The following PPFIBP2 variants were observed in gnomAD, a reference collection of about 807,000 sequenced individuals.
The protein encoded by PPFIBP2 is PPFIB scaffold protein 2, also known as liprin-beta-2.
In PPFIBP2, 118 loss-of-function variants were observed where a neutral mutation model predicts 118.3. The ratio of observed to expected loss-of-function variants is 1.00; its 90% CI spans 0.86 to 1.16. The LOEUF is 1.16. PPFIBP2 is among the 50% of genes most tolerant of loss of function. The pLI is 0.00. For missense variants in PPFIBP2, 1,195 were observed against 1,073.1 expected (o/e 1.11, Z -1.59); for synonymous variants, 414 against 397.4 (o/e 1.04, Z -0.50).
chr11:7,614,120 T>C (rs1848370902), intron 6 of PPFIBP2, among the ~76,000 whole-genome samples: 1 of 151,982 alleles, frequency 6.6e-6, no homozygotes, highest in Non-Finnish European at 1.5e-5. Context: ...AATAGGAGAG[T>C]TTTTTTATTC....
At position 7,520,636 on chromosome 11, in the gene PPFIBP2, C is replaced by T. The variant is rs12289564; in HGVS notation, c.-37+6515C>T. 7.6e-4 allele frequency among the ~76,000 whole-genome samples: 116 copies of T among 152,140 alleles called. 1 individual carries two copies. The highest frequency in any genetic ancestry group is 9.3e-4 in the Non-Finnish European group (63 of 68,016). ...ATAAACACAACTGATAACACTTGTT[C>T]CATTCTACAGCCTGTTCATCCCCAT... is the stretch of plus-strand genomic sequence containing the variant. On this transcript the variant is annotated intron_variant, in intron 1 of 23. Coordinates refer to ENST00000299492, the MANE Select transcript of PPFIBP2 (RefSeq NM_003621.5).
chr11:7,547,174 C>T (rs1852419754), intron 1 of PPFIBP2, among the ~76,000 whole-genome samples: 1 of 152,090 alleles, frequency 6.6e-6, no homozygotes, highest in Non-Finnish European at 1.5e-5. Context: ...TGCCGGGGGG[C>T]GGTGTGGGGA....
rs1174780348 is a variant in PPFIBP2 at position 7,649,001 on chromosome 11, G to C, written c.1909+90G>C. On this transcript the variant is annotated intron_variant, in intron 19 of 23. Transcript: ENST00000299492. ...CTGTTAAATGGGTACCTCAAGGACAGCTGTCTCCTTGTAAAAAGCAGAGGA... is the reference window on the plus strand; with the variant it reads ...CTGTTAAATGGGTACCTCAAGGACACCTGTCTCCTTGTAAAAAGCAGAGGA... 5 of 1,360,960 alleles carry C rather than the reference G, an allele frequency of 3.7e-6. No homozygotes were observed. The African/African-American group carries it at 7.2e-5, about 20-fold the overall frequency. 84.3% of individuals were successfully genotyped at this position (1,360,960 alleles called of 1,614,324 possible).
intron 1 of PPFIBP2, among the ~76,000 whole-genome samples, 178 bp downstream of exon 1, chr11:7,514,299 A>G (rs1229318723): frequency 1.3e-5 from 2 of 151,940 alleles, no homozygotes; most frequent in East Asian, 1.9e-4. Context: ...CCCTTCTCCA[A>G]CTCCACTGGC....
chr11:7,551,439 A>G (rs566020085), intron 2 of PPFIBP2, among the ~76,000 whole-genome samples: 1 of 152,106 alleles, frequency 6.6e-6, no homozygotes, highest in East Asian at 1.9e-4. Flanking sequence ...ATTCAGGTCT[A>G]TTTCTGAACT....
At chr11:7,532,116 A>G (rs1355116946) in intron 1 of PPFIBP2, among the ~76,000 whole-genome samples, 2 of 152,108 alleles carry the variant, frequency 1.3e-5, no homozygotes, top group Non-Finnish European at 2.9e-5. Context: ...TGCTGGGATT[A>G]TAGGCATTAG....
At chr11:7,566,913 A>G (rs1855061334) in intron 3 of PPFIBP2, among the ~76,000 whole-genome samples, 1 of 151,982 alleles carries the variant, frequency 6.6e-6, no homozygotes, top group African/African-American at 2.4e-5. Flanking sequence ...TCTTGGATGC[A>G]CCTCTCCCAC....
chr11:7,565,780 G>T lies in PPFIBP2; in HGVS notation c.279+13G>T. On this transcript the variant is annotated intron_variant, in intron 3 of 23. Transcript: ENST00000299492. ...TGAAGAGAGCTTGGTGAGTAGTCCC[G>T]TGGCCTGATTGGGAACCACTGGGGA... 6.2e-7 allele frequency: 1 copy of T among 1,612,858 alleles called. No homozygotes were observed. The highest frequency in any genetic ancestry group is 8.5e-7 in the Non-Finnish European group (1 of 1,179,068).
At chr11:7,631,118 G>T in intron 11 of PPFIBP2, 90 bp downstream of exon 11, 1 of 946,780 alleles carries the variant, frequency 1.1e-6, no homozygotes, top group South Asian at 1.3e-5. Context: ...ACACGTGTCA[G>T]GTGCACATCT....
chr11:7,562,087 T>G (rs1346106436), intron 2 of PPFIBP2, among the ~76,000 whole-genome samples: 1 of 152,122 alleles, frequency 6.6e-6, no homozygotes, highest in East Asian at 1.9e-4. Context: ...CACAATAGGG[T>G]TCACACACCT....
chr11:7,523,982 G>A (rs1849996402), intron 1 of PPFIBP2, among the ~76,000 whole-genome samples: 1 of 152,200 alleles, frequency 6.6e-6, no homozygotes, highest in Admixed American at 6.5e-5. Context: ...CTCTGACCTG[G>A]AGGGCCACTC....
In PPFIBP2 at chr11:7,649,172, C is replaced by G; in HGVS notation, c.1935C>G (p.Pro645=). 1 of 1,614,042 alleles carries G rather than the reference C, an allele frequency of 6.2e-7. No homozygotes were observed. The change falls in exon 20 of 24, where the codon CCC becomes CCG. Residue 645 remains proline (P), a synonymous_variant. Transcript: ENST00000299492. ...VTRWLDDIGL[P]QYKDQFHESR... is the part of the protein sequence containing the mutation. ...GGTGGCTTGATGATATTGGCTTACC[C>G]CAGTACAAAGACCAGTTTCATGAAT...
In PPFIBP2 at chr11:7,651,667, A is replaced by T. The variant is rs763765484; in HGVS notation, c.2259A>T (p.Pro753=). 1 of 1,606,592 alleles carries T rather than the reference A, an allele frequency of 6.2e-7. No homozygotes were observed. Among genetic ancestry groups the T allele is most frequent in the Admixed American group, 1.7e-5 (1 of 59,760 alleles). ...GVHGGLIILE[P]RFTGDTLAML... is the part of the protein sequence containing the mutation. ...TGGTTCCTTCTTAGATCCTGGAGCC[A>T]CGCTTCACTGGGGACACCCTGGCTA... The change falls in exon 23 of 24, where the codon CCA becomes CCT. Residue 753 remains proline, a synonymous_variant. Transcript: ENST00000299492.
intron 5 of PPFIBP2, among the ~76,000 whole-genome samples, chr11:7,605,175 G>A (rs944798892): frequency 5.9e-5 from 9 of 152,206 alleles, no homozygotes; most frequent in East Asian, 1.9e-4. Context: ...TACAATTGTC[G>A]CAGTTTATCC....
chr11:7,658,310 C>T (rs1466048241), downstream of PPFIBP2, among the ~76,000 whole-genome samples: 1 of 114,084 alleles, frequency 8.8e-6, no homozygotes, highest in African/African-American at 3.7e-5. Flanking sequence ...CCCCACCCCA[C>T]AACAGTCCCC....
the PPFIBP2 span, chr11:7,665,432 G>A: frequency 1.5e-5 from 24 of 1,612,294 alleles, no homozygotes; most frequent in East Asian, 6.7e-5. Context: ...AGGGTGAGCC[G>A]CCGTCTGGAT....
At position 7,593,202 on chromosome 11, in the gene PPFIBP2, A is replaced by G; in HGVS notation, c.350A>G (p.Asp117Gly). ...YQERLARLEG[D>G]KESLILQVSV... ...GAACGCTTGGCACGTCTAGAAGGGGATAAGGAGTCCCTCATATTGCAGGTG... is the reference window on the plus strand; with the variant it reads ...GAACGCTTGGCACGTCTAGAAGGGGGTAAGGAGTCCCTCATATTGCAGGTG... The change falls in exon 4 of 24, where the codon GAT becomes GGT. Residue 117 changes from aspartate (D) to glycine (G), a missense_variant. Coordinates refer to ENST00000299492, the MANE Select transcript of PPFIBP2 (RefSeq NM_003621.5). The G allele has an allele frequency of 6.2e-7, 1 of 1,614,004 alleles. No individual in the cohort carries two copies. The highest frequency in any genetic ancestry group is 8.5e-7 in the Non-Finnish European group (1 of 1,179,928).
intron 1 of PPFIBP2, 49 bp downstream of exon 1, chr11:7,514,170 G>A (rs1849028940): frequency 6.6e-6 from 1 of 152,360 alleles, no homozygotes; most frequent in South Asian, 2.1e-4. Context: ...GTCGGGGTTG[G>A]GATCCCCGTC....
At chr11:7,597,428 C>G in intron 4 of PPFIBP2, 132 bp from the exon 5 acceptor site, 5 of 1,538,700 alleles carry the variant, frequency 3.2e-6, no homozygotes, top group Non-Finnish European at 4.4e-6. Context: ...ACCTGCCACT[C>G]AGCAAAAATC....
Sources: gnomAD v4.1 joint callset for allele counts (sites outside exome capture counted in the v4.1 genomes callset) on GRCh38, gnomAD v4.1.1 for gene constraint, MANE v1.5 for transcripts, NCBI Gene and HGNC (gene_info 2026-07-23, HGNC 2026-07-21) for gene names.